Variants in CSGALNACT2 observed in about 807,000 individuals in gnomAD.
The protein encoded by CSGALNACT2 is beta 4 GalNAcT-2.
Under a neutral mutation model 55.3 loss-of-function variants are expected in CSGALNACT2, and 35 were observed. The observed-to-expected ratio is 0.63, with a 90% CI of 0.48 to 0.84. The LOEUF is 0.84. CSGALNACT2 is among the 40% of genes least tolerant of loss of function. The pLI is 0.00. For synonymous variants in CSGALNACT2, 196 were observed against 224.9 expected, an observed-to-expected ratio of 0.87 and a Z score of 1.15; for missense variants, 544 against 657.5, an observed-to-expected ratio of 0.83 and a Z score of 1.89.
intron 6 of CSGALNACT2, among the ~76,000 whole-genome samples, chr10:43,169,430 T>C (rs1175161790): frequency 6.6e-6 from 1 of 152,238 alleles, no homozygotes; most frequent in Non-Finnish European, 1.5e-5. Flanking sequence ...GAGAAAATGT[T>C]AAATTCATAA....
In CSGALNACT2 at chr10:43,158,758, C is replaced by CT. The variant is rs1189033451; in HGVS notation, c.711dup (p.Lys238Ter). ...GAGATAAGGGCACACAGTATGAACT[C>CT]TTTTTTAAGAAAGCAGACCTTACGG... On this transcript the variant is annotated frameshift_variant, in exon 3 of 8. Transcript: ENST00000374466. LOFTEE classifies it high-confidence loss of function. 1.2e-6 allele frequency: 2 copies of CT among 1,612,492 alleles called. No homozygotes were observed. The highest frequency in any genetic ancestry group is 1.7e-6 in the Non-Finnish European group (2 of 1,178,766).
intron 6 of CSGALNACT2, among the ~76,000 whole-genome samples, chr10:43,170,244 C>A (rs941553846): frequency 6.6e-6 from 1 of 152,160 alleles, no homozygotes; most frequent in Non-Finnish European, 1.5e-5. Flanking sequence ...ACCAGTGACA[C>A]CCTAACAGTA....
At chr10:43,166,433 T>G (rs111928719) in intron 5 of CSGALNACT2, among the ~76,000 whole-genome samples, 5,933 of 152,324 alleles carry the variant, frequency 0.039, 378 homozygotes, top group African/African-American at 0.13. Context: ...ATGGTCCTTT[T>G]AGATCAGTCA....
In CSGALNACT2 at chr10:43,155,722, T is replaced by A. The variant is rs759419731; in HGVS notation, c.573T>A (p.Ile191=). ...TTATTGAAGCGGGCTTGGAGGTCATTAATAATCCTGATGAAGATGATGAAC... is the reference window on the plus strand; with the variant it reads ...TTATTGAAGCGGGCTTGGAGGTCATAAATAATCCTGATGAAGATGATGAAC... ...VEVIEAGLEV[I]NNPDEDDEQE... Residue 191 remains isoleucine, a synonymous_variant, in exon 2 of 8, where the codon ATT becomes ATA. Coordinates refer to ENST00000374466, the MANE Select transcript of CSGALNACT2 (RefSeq NM_018590.5). 5 of 1,614,040 alleles carry A rather than the reference T, an allele frequency of 3.1e-6. No homozygotes were observed. In the African/African-American group the frequency reaches 6.7e-5, roughly 22 times the overall value.
chr10:43,161,765 T>C (rs932288709), intron 4 of CSGALNACT2, among the ~76,000 whole-genome samples: 6 of 152,216 alleles, frequency 3.9e-5, no homozygotes, highest in African/African-American at 1.4e-4. Context: ...TTACTTATTC[T>C]TTGCCTCCAG....
chr10:43,143,377 T>C lies in CSGALNACT2; in HGVS notation c.-254+4810T>C, dbSNP rs182270715. 6.4e-4 allele frequency among the ~76,000 whole-genome samples: 98 copies of C among 152,340 alleles called. 1 individual carries two copies. The highest frequency in any genetic ancestry group is 3.4e-3 in the Middle Eastern group (1 of 294). ...ACGTGTAACACTGATAAACATCCTA[T>C]GTATGTGACTTTATATAGTAGTATG... On this transcript the variant is annotated intron_variant, in intron 1 of 7. Coordinates refer to ENST00000374466, the MANE Select transcript of CSGALNACT2 (RefSeq NM_018590.5).
intron 6 of CSGALNACT2, among the ~76,000 whole-genome samples, chr10:43,167,547 A>C (rs1416000947): frequency 6.6e-6 from 1 of 152,176 alleles, no homozygotes. Flanking sequence ...TGCCAAAGCT[A>C]ATTTTATGTA....
intron 1 of CSGALNACT2, among the ~76,000 whole-genome samples, chr10:43,141,056 G>C (rs1202264009): frequency 6.6e-6 from 1 of 152,136 alleles, no homozygotes; most frequent in Non-Finnish European, 1.5e-5. Context: ...ATGAAAAAAA[G>C]CAATTGATTC....
Position 43,155,215 on chromosome 10 carries a change from C to G in CSGALNACT2, c.66C>G (p.Leu22=), listed in dbSNP as rs151328156. 1 of 1,614,144 alleles carries G rather than the reference C, an allele frequency of 6.2e-7. No homozygotes were observed. Among genetic ancestry groups the G allele is most frequent in the South Asian group, 1.1e-5 (1 of 91,082 alleles). The change falls in exon 2 of 8, where the codon CTC becomes CTG. Residue 22 remains leucine, a synonymous_variant. Transcript: ENST00000374466. The part of the protein sequence containing the change: ...THWLLLGLAL[L]CSLVLFMYLL... ...GGTTGCTGTTGGGCCTTGCTTTGCT[C>G]TGCAGTTTGGTATTATTTATGTACC...
intron 6 of CSGALNACT2, among the ~76,000 whole-genome samples, chr10:43,171,392 G>A (rs935708676): frequency 1.2e-4 from 17 of 144,268 alleles, no homozygotes; most frequent in African/African-American, 3.6e-4. Flanking sequence ...CGCTCTTGTT[G>A]CCCAGCCTGG....
intron 7 of CSGALNACT2, among the ~76,000 whole-genome samples, chr10:43,178,916 C>G (rs867657893): frequency 6.6e-5 from 10 of 152,036 alleles, no homozygotes; most frequent in Non-Finnish European, 1.2e-4. Flanking sequence ...TCTCTTCATT[C>G]TTTTCTCCCT....
At chr10:43,158,185 T>C (rs1338910486) in intron 2 of CSGALNACT2, among the ~76,000 whole-genome samples, 2 of 55,854 alleles carry the variant, frequency 3.6e-5, no homozygotes, top group Non-Finnish European at 7.3e-5. Flanking sequence ...CACATATATA[T>C]ATACAGATAT....
rs1838541783 is a variant in CSGALNACT2 at position 43,138,502 on chromosome 10, G to A, written c.-319G>A. ...TGGCTGAGGCGGCGGCGGGCCCAAG[G>A]CGTGAGGCGCCGCCCGGGTGTCCCC... is the stretch of plus-strand genomic sequence containing the variant. On this transcript the variant is annotated 5_prime_UTR_variant, in exon 1 of 8. Transcript: ENST00000374466. 6.6e-6 allele frequency: 1 copy of A among 150,568 alleles called. No individual in the cohort carries two copies. Among genetic ancestry groups the A allele is most frequent in the Admixed American group, 6.6e-5 (1 of 15,106 alleles). 9.3% of individuals were successfully genotyped at this position (150,568 alleles called of 1,614,324 possible).
At chr10:43,152,917 A>G (rs981744184) in intron 1 of CSGALNACT2, among the ~76,000 whole-genome samples, 3 of 152,154 alleles carry the variant, frequency 2.0e-5, no homozygotes, top group African/African-American at 7.2e-5. Flanking sequence ...GCTAGGGATT[A>G]TGGTTTTGAG....
chr10:43,172,470 A>C (rs1298653563), intron 6 of CSGALNACT2, among the ~76,000 whole-genome samples: 2 of 152,160 alleles, frequency 1.3e-5, no homozygotes, highest in Admixed American at 1.3e-4. Flanking sequence ...CCTCTGAGGT[A>C]TGTAGTATTA....
chr10:43,153,695 C>G (rs893840751), intron 1 of CSGALNACT2, among the ~76,000 whole-genome samples: 2 of 152,194 alleles, frequency 1.3e-5, no homozygotes, highest in African/African-American at 4.8e-5. Flanking sequence ...AATGGAAGTT[C>G]TCTTTGCAGT....
At chr10:43,149,038 T>C (rs767549921) in intron 1 of CSGALNACT2, among the ~76,000 whole-genome samples, 1 of 152,204 alleles carries the variant, frequency 6.6e-6, no homozygotes, top group Non-Finnish European at 1.5e-5. Flanking sequence ...TCCCTTTTCT[T>C]AGATTAGGAA....
intron 1 of CSGALNACT2, among the ~76,000 whole-genome samples, chr10:43,151,446 C>G (rs1009469847): frequency 6.6e-6 from 1 of 152,134 alleles, no homozygotes; most frequent in Non-Finnish European, 1.5e-5. Context: ...TTTGAGTGCT[C>G]TACCGAGTGC....
At chr10:43,177,710 A>G (rs1839508178) in intron 7 of CSGALNACT2, among the ~76,000 whole-genome samples, 1 of 152,250 alleles carries the variant, frequency 6.6e-6, no homozygotes, top group Admixed American at 6.5e-5. Flanking sequence ...GCTATTATAA[A>G]TACTGCTGCT....
Sources: gnomAD v4.1 joint callset for allele counts (sites outside exome capture counted in the v4.1 genomes callset) on GRCh38, gnomAD v4.1.1 for gene constraint, MANE v1.5 for transcripts, NCBI Gene and HGNC (gene_info 2026-07-23, HGNC 2026-07-21) for gene names.